Variants in C1QTNF7 observed in about 807,000 individuals in gnomAD.
C1QTNF7 encodes the protein C1q and TNF related 7, also known as complement C1q tumor necrosis factor-related protein 7.
A neutral mutation model predicts 19.6 loss-of-function variants in C1QTNF7; 15 were observed. The ratio of observed to expected loss-of-function variants is 0.76; its 90% CI spans 0.51 to 1.18. The LOEUF is 1.18. Ranked by LOEUF, C1QTNF7 falls within the 50% of genes most tolerant of loss-of-function variation. C1QTNF7 has a pLI of 0.00. For synonymous variants in C1QTNF7, 142 were observed against 137.5 expected (o/e 1.03, Z -0.23); for missense variants, 324 against 359.7 (o/e 0.90, Z 0.80).
At chr4:15,370,759 A>C (rs1457797260) in intron 1 of C1QTNF7, among the ~76,000 whole-genome samples, 1 of 152,238 alleles carries the variant, frequency 6.6e-6, no homozygotes, top group Non-Finnish European at 1.5e-5. Flanking sequence ...ATCCAAAAGA[A>C]TTTGTAATAA....
At chr4:15,427,881 A>T, upstream of C1QTNF7, 2 of 247,074 alleles carry the variant, frequency 8.1e-6, no homozygotes, top group Non-Finnish European at 1.3e-5. Flanking sequence ...CTGTAATTTT[A>T]ACTGGTCCCC....
chr4:15,356,237 C>T (rs1297191500), intron 1 of C1QTNF7, among the ~76,000 whole-genome samples: 1 of 152,094 alleles, frequency 6.6e-6, no homozygotes, highest in Non-Finnish European at 1.5e-5. Flanking sequence ...TCTCCGAATG[C>T]TATCCCTCCC....
intron 1 of C1QTNF7, among the ~76,000 whole-genome samples, chr4:15,404,798 T>C (rs1250402794): frequency 9.2e-5 from 14 of 152,198 alleles, no homozygotes; most frequent in Non-Finnish European, 5.9e-5. Flanking sequence ...GAGTAAGGAA[T>C]GTCTGCACAG....
At chr4:15,437,972 A>T (rs1712602082) in intron 2 of C1QTNF7, among the ~76,000 whole-genome samples, 2 of 152,184 alleles carry the variant, frequency 1.3e-5, no homozygotes, top group Non-Finnish European at 2.9e-5. Context: ...CAAGCATAAG[A>T]CATTGTTCTT....
intron 1 of C1QTNF7, among the ~76,000 whole-genome samples, chr4:15,390,950 G>A (rs987838218): frequency 2.0e-5 from 3 of 152,082 alleles, no homozygotes; most frequent in African/African-American, 7.2e-5. Flanking sequence ...CAAAGAGACA[G>A]TCTATCTGGG....
intron 1 of C1QTNF7, among the ~76,000 whole-genome samples, chr4:15,418,760 C>A (rs531271005): frequency 6.6e-6 from 1 of 152,194 alleles, no homozygotes; most frequent in African/African-American, 2.4e-5. Flanking sequence ...ACCTCTTCTG[C>A]CTGTTTTTCC....
At chr4:15,418,754 C>T (rs1393195167) in intron 1 of C1QTNF7, among the ~76,000 whole-genome samples, 1 of 152,206 alleles carries the variant, frequency 6.6e-6, no homozygotes, top group Non-Finnish European at 1.5e-5. Context: ...TTATTTACCT[C>T]TTCTGCCTGT....
At chr4:15,357,310 C>T (rs893711798) in intron 1 of C1QTNF7, among the ~76,000 whole-genome samples, 1 of 152,208 alleles carries the variant, frequency 6.6e-6, no homozygotes, top group Non-Finnish European at 1.5e-5. Flanking sequence ...CAGTTTTCTG[C>T]ATATGGCTAT....
At chr4:15,422,044 C>T (rs1254559427) in intron 1 of C1QTNF7, among the ~76,000 whole-genome samples, 1 of 151,964 alleles carries the variant, frequency 6.6e-6, no homozygotes, top group Non-Finnish European at 1.5e-5. Flanking sequence ...AGACTGACTA[C>T]AAAGGGACAT....
intron 1 of C1QTNF7, among the ~76,000 whole-genome samples, chr4:15,402,033 A>C (rs921734521): frequency 4.6e-5 from 7 of 152,232 alleles, no homozygotes; most frequent in Non-Finnish European, 8.8e-5. Flanking sequence ...GCTTTCTCTA[A>C]ATGTAAAGGG....
chr4:15,395,349 C>T (rs2108903011), intron 1 of C1QTNF7, among the ~76,000 whole-genome samples: 1 of 152,204 alleles, frequency 6.6e-6, no homozygotes, highest in African/African-American at 2.4e-5. Flanking sequence ...GGTGTTTTTG[C>T]ATTTAAAAAA....
chr4:15,359,508 A>G (rs1405373948), intron 1 of C1QTNF7, among the ~76,000 whole-genome samples: 2 of 152,134 alleles, frequency 1.3e-5, no homozygotes, highest in African/African-American at 4.8e-5. Flanking sequence ...TTTGTAGGAC[A>G]CTTAGCATCC....
chr4:15,433,720 C>T (rs534331187), intron 1 of C1QTNF7, among the ~76,000 whole-genome samples: 3 of 152,174 alleles, frequency 2.0e-5, no homozygotes, highest in Non-Finnish European at 4.4e-5. Context: ...AATCTCCAGG[C>T]GGCCTCCTCG....
At chr4:15,353,440 T>C (rs1717005620) in intron 1 of C1QTNF7, among the ~76,000 whole-genome samples, 1 of 152,288 alleles carries the variant, frequency 6.6e-6, no homozygotes, top group East Asian at 1.9e-4. Context: ...CTTCAAAAGC[T>C]AATCTAACAA....
chr4:15,384,850 C>T (rs552065597), intron 1 of C1QTNF7, among the ~76,000 whole-genome samples: 5 of 152,236 alleles, frequency 3.3e-5, no homozygotes, highest in South Asian at 2.1e-4. Flanking sequence ...TAGTGGCCTC[C>T]GGGGAGTGGG....
At chr4:15,367,818 A>T (rs200632818) in intron 1 of C1QTNF7, among the ~76,000 whole-genome samples, 1 of 149,946 alleles carries the variant, frequency 6.7e-6, no homozygotes, top group Non-Finnish European at 1.5e-5. Context: ...ACTTGTTTTT[A>T]TTTTTTTTTT....
chr4:15,350,021 G>T (rs1716856824), intron 1 of C1QTNF7, among the ~76,000 whole-genome samples: 1 of 149,336 alleles, frequency 6.7e-6, no homozygotes, highest in Non-Finnish European at 1.5e-5. Flanking sequence ...ATAAAAGGAA[G>T]GGAGGAAGGG....
At chr4:15,377,611 T>C (rs1717987392) in intron 1 of C1QTNF7, among the ~76,000 whole-genome samples, 1 of 152,178 alleles carries the variant, frequency 6.6e-6, no homozygotes, top group South Asian at 2.1e-4. Flanking sequence ...CAGACAGATA[T>C]AAGCCAACAG....
At chr4:15,429,444 A>G (rs936430030) in intron 1 of C1QTNF7, among the ~76,000 whole-genome samples, 1 of 152,158 alleles carries the variant, frequency 6.6e-6, no homozygotes, top group African/African-American at 2.4e-5. Flanking sequence ...GTCTTGATGA[A>G]TGTGACTACT....
Sources: allele counts gnomAD v4.1 joint callset (sites outside exome capture counted in the v4.1 genomes callset), GRCh38; gene constraint gnomAD v4.1.1; transcripts MANE v1.5; gene names NCBI Gene and HGNC (gene_info 2026-07-23, HGNC 2026-07-21).